CCDC180: variants seen among roughly 807,000 people sequenced by gnomAD.
CCDC180 encodes coiled-coil domain containing 180.
In CCDC180, 154 loss-of-function variants were observed where a neutral mutation model predicts 209.2. The ratio of observed to expected loss-of-function variants is 0.74; its 90% CI spans 0.65 to 0.84. CCDC180 has a LOEUF of 0.84. Among genes scored for constraint, CCDC180 ranks in the 40% least tolerant of loss-of-function variants. The pLI is 0.00. For synonymous variants in CCDC180, 778 were observed against 749.1 expected (o/e 1.04, Z -0.63); for missense variants, 1,874 against 1,997.3 (o/e 0.94, Z 1.18).
intron 3 of CCDC180, among the ~76,000 whole-genome samples, chr9:97,311,252 A>G (rs1391395805): frequency 6.6e-6 from 1 of 152,184 alleles, no homozygotes; most frequent in Admixed American, 6.5e-5. Context: ...CTCAGCTCCT[A>G]CAGGGCTGCC....
At chr9:97,361,948 C>A (rs1241350874) in intron 27 of CCDC180, 50 bp downstream of exon 27, 1 of 1,586,536 alleles carries the variant, frequency 6.3e-7, no homozygotes, top group Non-Finnish European at 8.6e-7. Flanking sequence ...TGCCCCTGGC[C>A]CTGGACCTTC....
chr9:97,341,628 C>T (rs1317807481), intron 18 of CCDC180, among the ~76,000 whole-genome samples: 10 of 152,298 alleles, frequency 6.6e-5, no homozygotes, highest in East Asian at 5.8e-4. Flanking sequence ...TTAGGCTACA[C>T]GGGTGTCAGG....
In CCDC180 at chr9:97,325,135, G is replaced by T; in HGVS notation, c.1488G>T (p.Glu496Asp). 6.2e-7 allele frequency: 1 copy of T among 1,612,250 alleles called. No individual in the cohort carries two copies. Among genetic ancestry groups the T allele is most frequent in the Non-Finnish European group, 8.5e-7 (1 of 1,179,280 alleles). ...EAHQSELLVQ[E>D]LELEKRMEQH... is the part of the protein sequence containing the mutation. ...ACCAGAGCGAGCTGTTGGTGCAGGA[G>T]CTGGAGCTGGAGAAGAGGATGGAGC... Residue 496 changes from glutamate to aspartate, a missense_variant, in exon 14 of 37, where the codon GAG becomes GAT. Glu to Asp is a conservative substitution (Grantham distance 45, BLOSUM62 2). Coordinates refer to ENST00000529487, the MANE Select transcript of CCDC180 (RefSeq NM_020893.6).
rs775171527 is a variant in CCDC180 at position 97,314,830 on chromosome 9, A to G, written c.700-21A>G. On this transcript the variant is annotated intron_variant, in intron 7 of 36. Coordinates refer to ENST00000529487, the MANE Select transcript of CCDC180 (RefSeq NM_020893.6). ...TTCTCCAGGAAGTGAGCCACTAAGT[A>G]TGGTGCCTTGTCATTTCTAGCTAAA... 15 of 1,605,446 alleles carry G rather than the reference A, an allele frequency of 9.3e-6. No homozygotes were observed. In the African/African-American group the frequency reaches 1.1e-4, roughly 11 times the overall value.
chr9:97,311,075 T>C (rs753106501), intron 3 of CCDC180, among the ~76,000 whole-genome samples: 20 of 152,262 alleles, frequency 1.3e-4, no homozygotes, highest in Non-Finnish European at 2.4e-4. Flanking sequence ...TGTTTGAAGA[T>C]TCGGCCAGCT....
chr9:97,374,392 C>G, intron 34 of CCDC180, 151 bp from the exon 35 acceptor site: 1 of 616,072 alleles, frequency 1.6e-6, no homozygotes, highest in Non-Finnish European at 2.8e-6. Context: ...CTGGTGCATT[C>G]AGCTTCTCCA....
At chr9:97,364,230 G>A (rs1460029326) in intron 29 of CCDC180, 102 bp downstream of exon 29, 1 of 1,060,658 alleles carries the variant, frequency 9.4e-7, no homozygotes, top group Non-Finnish European at 1.4e-6. Flanking sequence ...AAGGGGAAAG[G>A]CAGGTCCAAG....
chr9:97,345,454 G>A (rs561618038), intron 19 of CCDC180, among the ~76,000 whole-genome samples: 1 of 152,274 alleles, frequency 6.6e-6, no homozygotes, highest in Admixed American at 6.5e-5. Flanking sequence ...TTCTCCTGAT[G>A]AGTATGATAT....
rs767263750 is a variant in CCDC180, at chr9:97,317,237, C to T, written c.959+9C>T. 182 of 1,561,212 alleles carry T rather than the reference C, an allele frequency of 1.2e-4. No individual in the cohort carries two copies. Among genetic ancestry groups the T allele is most frequent in the Admixed American group, 1.9e-4 (11 of 56,534 alleles). ...CTGCTGCAGAGTTTCAGGTCAGTGCCGCCCACACAGCTCCTTCTCCAGCCC... is the reference window on the plus strand; with the variant it reads ...CTGCTGCAGAGTTTCAGGTCAGTGCTGCCCACACAGCTCCTTCTCCAGCCC... On this transcript the variant is annotated intron_variant, in intron 9 of 36. Coordinates refer to ENST00000529487, the MANE Select transcript of CCDC180 (RefSeq NM_020893.6).
At chr9:97,359,933 C>A in intron 25 of CCDC180, 49 bp from the exon 26 acceptor site, 1 of 1,607,458 alleles carries the variant, frequency 6.2e-7, no homozygotes, top group South Asian at 1.1e-5. Context: ...TCTACCCACC[C>A]TCCTGCAGTC....
intron 16 of CCDC180, 65 bp downstream of exon 16, chr9:97,328,211 G>A: frequency 1.9e-6 from 3 of 1,560,058 alleles, no homozygotes; most frequent in Non-Finnish European, 2.6e-6. Flanking sequence ...CTGACTTCTT[G>A]TTATGATCTG....
intron 19 of CCDC180, among the ~76,000 whole-genome samples, chr9:97,346,343 G>A (rs1025293736): frequency 8.5e-5 from 13 of 152,084 alleles, no homozygotes; most frequent in African/African-American, 1.7e-4. Context: ...CATCTGCTGC[G>A]ATGTTGTTTC....
intron 25 of CCDC180, among the ~76,000 whole-genome samples, chr9:97,359,405 C>T (rs2118858789): frequency 6.6e-6 from 1 of 152,304 alleles, no homozygotes; most frequent in East Asian, 1.9e-4. Flanking sequence ...ACAGAGGAGG[C>T]TGGCTGGACA....
intron 20 of CCDC180, 117 bp downstream of exon 20, chr9:97,347,606 T>C: frequency 1.0e-6 from 1 of 969,044 alleles, no homozygotes; most frequent in Non-Finnish European, 1.5e-6. Flanking sequence ...GTTTAGCATG[T>C]TCTCATCACA....
At chr9:97,340,984 C>T (rs913745353) in intron 18 of CCDC180, among the ~76,000 whole-genome samples, 1 of 152,218 alleles carries the variant, frequency 6.6e-6, no homozygotes, top group Non-Finnish European at 1.5e-5. Context: ...GTTCTGCCTT[C>T]TAGATAGCAG....
rs1348859035 is a variant in CCDC180 at position 97,349,170 on chromosome 9, C to G, written c.2734C>G (p.Leu912Val). The stretch of plus-strand genomic sequence containing the variant: ...CCACTGTGCTGGGGTGACCGAGACG[C>G]TGAAGAAGAAGCGGCTGATGTTCTG... The part of the protein sequence containing the change: ...DSHCAGVTET[L>V]KKKRLMFCQF... The change falls in exon 21 of 37, where the codon CTG (leucine) becomes GTG (valine). Residue 912 changes from leucine (L) to valine (V), a missense_variant. Coordinates refer to ENST00000529487, the MANE Select transcript of CCDC180 (RefSeq NM_020893.6). The G allele has an allele frequency of 2.0e-6, 3 of 1,536,244 alleles. No individual in the cohort carries two copies. Among genetic ancestry groups the G allele is most frequent in the Non-Finnish European group, 8.7e-7 (1 of 1,146,980 alleles).
chr9:97,307,886 C>A (rs1025399047), intron 1 of CCDC180, 80 bp downstream of exon 1: 34 of 1,598,294 alleles, frequency 2.1e-5, no homozygotes, highest in African/African-American at 4.0e-5. Flanking sequence ...GAGAGTCCTT[C>A]CCCGGGGAGT....
At chr9:97,343,073 G>C (rs13300328) in intron 18 of CCDC180, among the ~76,000 whole-genome samples, 38,031 of 152,046 alleles carry the variant, frequency 0.25, 5,130 homozygotes, top group East Asian at 0.4. Context: ...GCATTACTCA[G>C]CTCCAACTAA....
chr9:97,370,602 G>A, intron 32 of CCDC180, 39 bp from the exon 33 acceptor site: 2 of 1,607,940 alleles, frequency 1.2e-6, no homozygotes, highest in Non-Finnish European at 1.7e-6. Context: ...CTTTTGGTGG[G>A]TTAACATTGC....
Sources: allele counts gnomAD v4.1 joint callset (sites outside exome capture counted in the v4.1 genomes callset), GRCh38; gene constraint gnomAD v4.1.1; transcripts MANE v1.5; gene names NCBI Gene and HGNC (gene_info 2026-07-23, HGNC 2026-07-21).